The following POLR3B variants were observed in gnomAD, a reference collection of about 807,000 sequenced individuals.
POLR3B encodes DNA-directed RNA polymerase III subunit RPC2.
In POLR3B, 96 loss-of-function variants were observed where a neutral mutation model predicts 147.4. That is an observed-to-expected ratio of 0.65 (90% CI 0.55 to 0.77). POLR3B has a LOEUF of 0.77. POLR3B is among the 30% of genes least tolerant of loss of function. The pLI is 0.00. For missense variants in POLR3B, 1,036 were observed against 1,413.5 expected, an observed-to-expected ratio of 0.73 and a Z score of 4.28; for synonymous variants, 461 against 485.9, an observed-to-expected ratio of 0.95 and a Z score of 0.67.
intron 24 of POLR3B, 128 bp from the exon 25 acceptor site, chr12:106,496,624 A>G: frequency 1.2e-6 from 1 of 822,936 alleles, no homozygotes; most frequent in South Asian, 1.5e-5. Flanking sequence ...TGTCAAGCTT[A>G]AATACTGCTT....
intron 8 of POLR3B, 136 bp downstream of exon 8, chr12:106,378,520 A>G: frequency 1.6e-6 from 1 of 622,000 alleles, no homozygotes; most frequent in Non-Finnish European, 2.9e-6. Flanking sequence ...ATCTGCATTC[A>G]ATTTATTATG....
At chr12:106,419,794 CTTTTTTTT>C (rs56756383) in intron 12 of POLR3B, among the ~76,000 whole-genome samples, 6 of 88,956 alleles carry the variant, frequency 6.7e-5, no homozygotes, top group East Asian at 8.8e-4. Flanking sequence ...TTTAGTTTTG[CTTTTTTTT>C]TTTTTTTTTT....
chr12:106,368,754 G>A (rs1304773070), intron 4 of POLR3B, among the ~76,000 whole-genome samples: 1 of 151,952 alleles, frequency 6.6e-6, no homozygotes, highest in Non-Finnish European at 1.5e-5. Context: ...TTAAGAGTTA[G>A]ACTTGCACAA....
At chr12:106,394,879 G>A (rs986545451) in intron 10 of POLR3B, among the ~76,000 whole-genome samples, 1 of 152,158 alleles carries the variant, frequency 6.6e-6, no homozygotes, top group Non-Finnish European at 1.5e-5. Flanking sequence ...ACTAATAAAA[G>A]GATATAGAGA....
chr12:106,458,134 A>G (rs2037888408), intron 21 of POLR3B, among the ~76,000 whole-genome samples: 1 of 151,936 alleles, frequency 6.6e-6, no homozygotes, highest in South Asian at 2.1e-4. Flanking sequence ...TATTAATTTT[A>G]TTTTTGAGAC....
chr12:106,481,383 T>C (rs1279075458), intron 23 of POLR3B, among the ~76,000 whole-genome samples: 2 of 152,230 alleles, frequency 1.3e-5, no homozygotes, highest in Non-Finnish European at 2.9e-5. Context: ...CCTCCTGGAA[T>C]TGCTGATGGA....
intron 9 of POLR3B, among the ~76,000 whole-genome samples, chr12:106,388,673 C>T (rs536000732): frequency 6.6e-6 from 1 of 152,300 alleles, no homozygotes; most frequent in African/African-American, 2.4e-5. Flanking sequence ...TATCACAGTT[C>T]TCTTATTACC....
At chr12:106,434,551 A>C (rs1423331109) in intron 16 of POLR3B, among the ~76,000 whole-genome samples, 1 of 151,574 alleles carries the variant, frequency 6.6e-6, no homozygotes, top group East Asian at 1.9e-4. Flanking sequence ...CCTATTGTGC[A>C]CAGGTACTAT....
chr12:106,462,429 G>A (rs970940918), intron 22 of POLR3B, among the ~76,000 whole-genome samples: 1 of 152,104 alleles, frequency 6.6e-6, no homozygotes, highest in Non-Finnish European at 1.5e-5. Context: ...TGTATCTTTA[G>A]TAGAGATGGG....
chr12:106,494,370 C>T (rs1341970859), intron 23 of POLR3B, among the ~76,000 whole-genome samples: 1 of 152,156 alleles, frequency 6.6e-6, no homozygotes, highest in Non-Finnish European at 1.5e-5. Context: ...CCAGCCTCCT[C>T]CTGCGAACTG....
chr12:106,485,680 C>G (rs1300206299), intron 23 of POLR3B, among the ~76,000 whole-genome samples: 2 of 152,108 alleles, frequency 1.3e-5, no homozygotes, highest in African/African-American at 4.8e-5. Flanking sequence ...ACTGATAATG[C>G]TGTTTACCAA....
chr12:106,422,403 A>G (rs1357083596), intron 12 of POLR3B, among the ~76,000 whole-genome samples: 1 of 152,220 alleles, frequency 6.6e-6, no homozygotes, highest in Non-Finnish European at 1.5e-5. Flanking sequence ...TGCTTCCTAT[A>G]CAGCCTGAAG....
intron 19 of POLR3B, among the ~76,000 whole-genome samples, chr12:106,451,366 G>A (rs2037793054): frequency 1.3e-5 from 2 of 152,042 alleles, no homozygotes; most frequent in South Asian, 4.1e-4. Flanking sequence ...TGTGGTTCAT[G>A]CCTGTAATTT....
At chr12:106,500,360 T>C (rs1321931982) in intron 25 of POLR3B, among the ~76,000 whole-genome samples, 1 of 152,198 alleles carries the variant, frequency 6.6e-6, no homozygotes, top group Non-Finnish European at 1.5e-5. Flanking sequence ...AGTTATGTAA[T>C]AGACATTTAT....
intron 20 of POLR3B, 68 bp from the exon 21 acceptor site, chr12:106,457,070 A>C: frequency 7.3e-7 from 1 of 1,370,792 alleles, no homozygotes; most frequent in Non-Finnish European, 1.0e-6. Flanking sequence ...GTTGAGTAGC[A>C]CAAATCCATA....
At chr12:106,487,585 G>T (rs1432350000) in intron 23 of POLR3B, among the ~76,000 whole-genome samples, 1 of 152,132 alleles carries the variant, frequency 6.6e-6, no homozygotes, top group African/African-American at 2.4e-5. Flanking sequence ...CAAAGCTGTT[G>T]TTAGGGATTC....
intron 21 of POLR3B, among the ~76,000 whole-genome samples, chr12:106,457,865 C>T (rs1304448258): frequency 1.3e-5 from 2 of 152,020 alleles, no homozygotes; most frequent in African/African-American, 2.4e-5. Flanking sequence ...ATGGCTTTCC[C>T]GAGGAAGTGA....
chr12:106,365,114 G>A (rs1212718797), intron 2 of POLR3B, among the ~76,000 whole-genome samples: 1 of 151,984 alleles, frequency 6.6e-6, no homozygotes, highest in African/African-American at 2.4e-5. Flanking sequence ...CAGCCTGGTC[G>A]ACAGTGTGAG....
chr12:106,376,314 T>C (rs2036677797), intron 6 of POLR3B, 45 bp from the exon 7 acceptor site: 2 of 1,342,206 alleles, frequency 1.5e-6, no homozygotes, highest in Admixed American at 3.4e-5. Flanking sequence ...GCTTTTATCA[T>C]TGACAGCCTA....
Sources: allele counts gnomAD v4.1 joint callset (sites outside exome capture counted in the v4.1 genomes callset), GRCh38; gene constraint gnomAD v4.1.1; transcripts MANE v1.5; gene names NCBI Gene and HGNC (gene_info 2026-07-23, HGNC 2026-07-21).